The following KCNA2 variants were observed in gnomAD, a reference collection of about 807,000 sequenced individuals.
KCNA2 encodes the protein potassium voltage-gated channel subfamily A member 2.
Under a neutral mutation model 33.4 loss-of-function variants are expected in KCNA2, and 11 were observed. The ratio of observed to expected loss-of-function variants is 0.33; its 90% CI spans 0.21 to 0.55. KCNA2 has a LOEUF of 0.55. KCNA2 is among the 20% of genes least tolerant of loss of function. The probability of loss-of-function intolerance (pLI) is 0.93; values close to 1 mark genes in which losing one functional copy is unlikely to be tolerated. For missense variants in KCNA2, 291 were observed against 621.6 expected (o/e 0.47, Z 5.66); for synonymous variants, 222 against 231.3 (o/e 0.96, Z 0.37).
rs557934944 is a variant in KCNA2, at chr1:110,594,999, A to G, written c.*8284T>C. Reference sequence around the variant, plus strand: ...CTTTCTCTAGCAGCCCAGAGCATTTATTCACTCATACAAACAAGGCATTCG... The same window carrying G: ...CTTTCTCTAGCAGCCCAGAGCATTTGTTCACTCATACAAACAAGGCATTCG... On this transcript the variant is annotated 3_prime_UTR_variant, in exon 3 of 3. Coordinates refer to ENST00000316361, the MANE Select transcript of KCNA2 (RefSeq NM_004974.4). 25 of 985,382 alleles carry G rather than the reference A, an allele frequency of 2.5e-5. No individual in the cohort carries two copies. Among genetic ancestry groups the G allele is most frequent in the South Asian group, 4.7e-5 (1 of 21,282 alleles). The allele number at this position is 985,382 out of a possible 1,614,324, so 61.0% of individuals were successfully genotyped here.
Position 110,604,184 on chromosome 1 carries a change from A to C in KCNA2, c.599T>G (p.Val200Gly), listed in dbSNP as rs202006083. 1 of 1,614,134 alleles carries C rather than the reference A, an allele frequency of 6.2e-7. No homozygotes were observed. The highest frequency in any genetic ancestry group is 1.3e-5 in the African/African-American group (1 of 75,020). Reference sequence around the variant, plus strand: ...GCTGTTGGAATAGGTGTGGAAGGTCACCCCACTACCATGCATGTCTTCATT... The same window carrying C: ...GCTGTTGGAATAGGTGTGGAAGGTCCCCCCACTACCATGCATGTCTTCATT... ...DENEDMHGSGVTFHTYSNSTI... is the reference protein window; with the variant it reads ...DENEDMHGSGGTFHTYSNSTI... The change falls in exon 3 of 3, where the codon GTG (valine) becomes GGG (glycine). Residue 200 changes from valine (V) to glycine (G), a missense_variant. Val to Gly is a moderately radical substitution (Grantham distance 109). Around this residue, in one of 5 missense-constraint regions of KCNA2, gnomAD observed 163 missense variants for 273.5 expected, o/e 0.60. Coordinates refer to ENST00000316361, the MANE Select transcript of KCNA2 (RefSeq NM_004974.4). This position sits in a 1 kb window ranked among gnomAD's most constrained non-coding sequence, Gnocchi z 7.6.
chr1:110,623,486 G>A (rs1016646410), intron 1 of KCNA2, among the ~76,000 whole-genome samples: 2 of 152,162 alleles, frequency 1.3e-5, no homozygotes, highest in Non-Finnish European at 2.9e-5. Context: ...AATTAAAAAC[G>A]TTTGCATTTC....
Position 110,597,632 on chromosome 1 carries a change from G to C in KCNA2, c.*5651C>G, listed in dbSNP as rs906027090. 1 of 985,330 alleles carries C rather than the reference G, an allele frequency of 1.0e-6. No homozygotes were observed. Among genetic ancestry groups the C allele is most frequent in the African/African-American group, 1.7e-5 (1 of 57,226 alleles). The allele number at this position is 985,330 out of a possible 1,614,324, so 61.0% of individuals were successfully genotyped here. On this transcript the variant is annotated 3_prime_UTR_variant, in exon 3 of 3. Coordinates refer to ENST00000316361, the MANE Select transcript of KCNA2 (RefSeq NM_004974.4). The stretch of plus-strand genomic sequence containing the variant: ...AAGGAGGTCAGATCTCAAGAGGACA[G>C]GAGTCATGTGAACACGTGGGAAGAA...
chr1:110,623,398 T>C (rs916867242), intron 1 of KCNA2, among the ~76,000 whole-genome samples: 4 of 152,182 alleles, frequency 2.6e-5, no homozygotes, highest in African/African-American at 9.7e-5. Context: ...TGACCTTCGG[T>C]TACTCAAAGA....
At position 110,601,871 on chromosome 1, in the gene KCNA2, T is replaced by A; in HGVS notation, c.*1412A>T. The A allele has an allele frequency of 2.1e-6, 3 of 1,438,112 alleles. No individual in the cohort carries two copies. The highest frequency in any genetic ancestry group is 1.5e-5 in the South Asian group (1 of 68,196). 89.1% of individuals were successfully genotyped at this position (1,438,112 alleles called of 1,614,324 possible). A position where few individuals can be genotyped will look rare whatever the true frequency, so the allele number is the denominator to read the frequency against. Reference sequence around the variant, plus strand: ...ATGTATGTATATATATACACCCTAGTGCACATAGTCAAACACATGCATAAA... The same window carrying A: ...ATGTATGTATATATATACACCCTAGAGCACATAGTCAAACACATGCATAAA... On this transcript the variant is annotated 3_prime_UTR_variant, in exon 3 of 3. Transcript: ENST00000316361.
chr1:110,601,459 G>A lies in KCNA2; in HGVS notation c.*1824C>T. The A allele has an allele frequency of 1.0e-6, 1 of 985,608 alleles. No homozygotes were observed. The highest frequency in any genetic ancestry group is 1.2e-6 in the Non-Finnish European group (1 of 830,062). 61.1% of individuals were successfully genotyped at this position (985,608 alleles called of 1,614,324 possible). A position where few individuals can be genotyped will look rare whatever the true frequency, so the allele number is the denominator to read the frequency against. Reference sequence around the variant, plus strand: ...AAGTGGCAAGGGAAGAGGTGAAAATGGAGATGATGAACAGGATGAACTGTA... The same window carrying A: ...AAGTGGCAAGGGAAGAGGTGAAAATAGAGATGATGAACAGGATGAACTGTA... On this transcript the variant is annotated 3_prime_UTR_variant, in exon 3 of 3. Coordinates refer to ENST00000316361, the MANE Select transcript of KCNA2 (RefSeq NM_004974.4).
chr1:110,620,806 T>G (rs1423799064), intron 1 of KCNA2, among the ~76,000 whole-genome samples: 1 of 152,226 alleles, frequency 6.6e-6, no homozygotes, highest in Non-Finnish European at 1.5e-5. Context: ...CCCCGTGTGT[T>G]GGATCATCTT....
chr1:110,595,978 T>G lies in KCNA2; in HGVS notation c.*7305A>C. On this transcript the variant is annotated 3_prime_UTR_variant, in exon 3 of 3. Coordinates refer to ENST00000316361, the MANE Select transcript of KCNA2 (RefSeq NM_004974.4). ...AAGTTTGGAATAACTTTTCTGATCC[T>G]CAGTGATGAGGTTATAGCCAACCAG... 1 of 985,414 alleles carries G rather than the reference T, an allele frequency of 1.0e-6. No homozygotes were observed. Among genetic ancestry groups the G allele is most frequent in the Non-Finnish European group, 1.2e-6 (1 of 829,928 alleles). 61.0% of individuals were successfully genotyped at this position (985,414 alleles called of 1,614,324 possible).
At chr1:110,630,689 A>G (rs1650530454) in intron 1 of KCNA2, among the ~76,000 whole-genome samples, 1 of 152,222 alleles carries the variant, frequency 6.6e-6, no homozygotes, top group Admixed American at 6.5e-5. Flanking sequence ...AAAACAACAG[A>G]CACTAAGCAC....
At chr1:110,606,555 A>G (rs1463692055), upstream of KCNA2, 1 of 152,316 alleles carries the variant, frequency 6.6e-6, no homozygotes, top group Non-Finnish European at 1.5e-5. Flanking sequence ...GCCTCCGCGC[A>G]GAGGACCAGA....
chr1:110,616,358 C>G (rs1158226972), intron 1 of KCNA2, among the ~76,000 whole-genome samples: 1 of 152,160 alleles, frequency 6.6e-6, no homozygotes, highest in Non-Finnish European at 1.5e-5. Flanking sequence ...CAGGTCAGCT[C>G]TGTGGGACAG....
chr1:110,613,439 C>T (rs1022942814), intron 1 of KCNA2, among the ~76,000 whole-genome samples: 3 of 152,222 alleles, frequency 2.0e-5, no homozygotes, highest in African/African-American at 7.2e-5. Context: ...GTTTGTGAAC[C>T]AGCAAACACC....
Position 110,601,926 on chromosome 1 carries a change from T to C in KCNA2, c.*1357A>G. On this transcript the variant is annotated 3_prime_UTR_variant, in exon 3 of 3. Transcript: ENST00000316361. The stretch of plus-strand genomic sequence containing the variant: ...CCTTTGTCAAAAATATTGCATAAGC[T>C]TGTACAATGTTCAAATGCAATTTCT... 1 of 1,484,938 alleles carries C rather than the reference T, an allele frequency of 6.7e-7. No homozygotes were observed. Among genetic ancestry groups the C allele is most frequent in the Non-Finnish European group, 8.9e-7 (1 of 1,118,676 alleles). The allele number at this position is 1,484,938 out of a possible 1,614,324, so 92.0% of individuals were successfully genotyped here. A position where few individuals can be genotyped will look rare whatever the true frequency, so the allele number is the denominator to read the frequency against.
At position 110,603,195 on chromosome 1, in the gene KCNA2, C is replaced by T. The variant is rs1649432884; in HGVS notation, c.*88G>A. 6.6e-7 allele frequency: 1 copy of T among 1,512,352 alleles called. No individual in the cohort carries two copies. Among genetic ancestry groups the T allele is most frequent in the Admixed American group, 2.3e-5 (1 of 43,908 alleles). 93.7% of individuals were successfully genotyped at this position (1,512,352 alleles called of 1,614,324 possible). On this transcript the variant is annotated 3_prime_UTR_variant, in exon 3 of 3. Coordinates refer to ENST00000316361, the MANE Select transcript of KCNA2 (RefSeq NM_004974.4). The surrounding 1 kb of genome is among the most constrained non-coding windows in gnomAD (Gnocchi z 5.7). ...TGCTTTCCATGCAGAACCAGATACA[C>T]ACTGTAGAACACACTGACTACAATG...
At chr1:110,620,319 G>A (rs1570765808) in intron 1 of KCNA2, among the ~76,000 whole-genome samples, 3 of 152,056 alleles carry the variant, frequency 2.0e-5, no homozygotes, top group Admixed American at 6.6e-5. Context: ...CGGCAAACAC[G>A]GGTTCCAGGA....
intron 1 of KCNA2, among the ~76,000 whole-genome samples, chr1:110,630,876 C>A (rs2797532): frequency 0.86 from 129,887 of 151,628 alleles, 55,859 homozygotes; most frequent in Non-Finnish European, 0.89. Flanking sequence ...TCATCTGTCC[C>A]CCTGGCCACA....
chr1:110,614,604 A>T (rs1271360969), intron 1 of KCNA2, among the ~76,000 whole-genome samples: 1 of 152,188 alleles, frequency 6.6e-6, no homozygotes, highest in Non-Finnish European at 1.5e-5. Context: ...CTTGTAAGTC[A>T]CTTCCCCTCT....
rs749832672 is a variant in KCNA2, at chr1:110,603,400, G to A, written c.1383C>T (p.Ile461=). Residue 461 remains isoleucine (I), a synonymous_variant, in exon 3 of 3, where the codon ATC becomes ATT. Transcript: ENST00000316361. The surrounding 1 kb of genome is among the most constrained non-coding windows in gnomAD (Gnocchi z 5.7). The stretch of plus-strand genomic sequence containing the variant: ...CATTACTGTTATTTACACCCTCCTG[G>A]ATCTCCATGTAATCAGACTTACTAA... The part of the protein sequence containing the change: ...STISKSDYME[I]QEGVNNSNED... 5.0e-6 allele frequency: 8 copies of A among 1,614,092 alleles called. No homozygotes were observed. The Middle Eastern group carries it at 4.9e-4, about 100-fold the overall frequency.
chr1:110,602,275 T>TG lies in KCNA2; in HGVS notation c.*1007dup, dbSNP rs2101389334. 7 of 1,505,400 alleles carry TG rather than the reference T, an allele frequency of 4.6e-6. No homozygotes were observed. Among genetic ancestry groups the TG allele is most frequent in the East Asian group, 4.9e-5 (2 of 40,626 alleles). 93.3% of individuals were successfully genotyped at this position (1,505,400 alleles called of 1,614,324 possible). On this transcript the variant is annotated 3_prime_UTR_variant, in exon 3 of 3. Transcript: ENST00000316361. The stretch of plus-strand genomic sequence containing the variant: ...TGATGGAGGGATTTTTGCCTTCTGA[T>TG]GGGAAAAAAACCCCTAGTTCAAGAC...
Sources: gnomAD v4.1 joint callset for allele counts (sites outside exome capture counted in the v4.1 genomes callset) on GRCh38, gnomAD v4.1.1 for gene constraint, gnomAD v4.1.1 regional missense constraint, Gnocchi (gnomAD v3.1) non-coding constraint, MANE v1.5 for transcripts, NCBI Gene and HGNC (gene_info 2026-07-23, HGNC 2026-07-21) for gene names.